CHODL: variants seen among roughly 807,000 people sequenced by gnomAD.
CHODL encodes the protein chondrolectin.
A neutral mutation model predicts 34.5 loss-of-function variants in CHODL; 29 were observed. That is an observed-to-expected ratio of 0.84 (90% CI 0.63 to 1.15). The LOEUF (loss-of-function observed/expected upper bound fraction) is 1.15. Among genes scored for constraint, CHODL ranks in the 50% most tolerant of loss-of-function variants. The pLI, the probability that CHODL is intolerant of heterozygous loss-of-function variation, is 0.00. For synonymous variants in CHODL, 125 were observed against 116.1 expected (o/e 1.08, Z -0.49); for missense variants, 332 against 332.5 (o/e 1.00, Z 0.01).
At chr21:18,162,755 A>T (rs1193348418) in intron 2 of CHODL, among the ~76,000 whole-genome samples, 2 of 152,120 alleles carry the variant, frequency 1.3e-5, no homozygotes, top group East Asian at 3.9e-4. Context: ...ATTTGCTATT[A>T]CATTAATGCA....
intron 2 of CHODL, among the ~76,000 whole-genome samples, chr21:18,141,151 A>G (rs922414970): frequency 4.6e-5 from 7 of 152,090 alleles, no homozygotes; most frequent in African/African-American, 1.7e-4. Context: ...AGTAATGGAG[A>G]TAAACCCAGA....
chr21:17,978,228 C>T lies in CHODL; in HGVS notation c.-144-49644C>T, dbSNP rs148498632. On this transcript the variant is annotated intron_variant, in intron 1 of 6. Coordinates refer to the CHODL transcript ENST00000400127. ...TACGAGGTCAGGAGTTTGAGACCAGCCTGGCCAGCATGGTGAAACCCTGTC... is the reference window on the plus strand; with the variant it reads ...TACGAGGTCAGGAGTTTGAGACCAGTCTGGCCAGCATGGTGAAACCCTGTC... 9.8e-3 allele frequency among the ~76,000 whole-genome samples: 1,487 copies of T among 151,590 alleles called. 23 individuals are homozygous for T. Among genetic ancestry groups the T allele is most frequent in the African/African-American group, 0.028 (1,168 of 41,308 alleles).
chr21:18,015,456 C>A (rs1351264414), intron 1 of CHODL, among the ~76,000 whole-genome samples: 1 of 152,076 alleles, frequency 6.6e-6, no homozygotes, highest in African/African-American at 2.4e-5. Context: ...CATAAATTAG[C>A]CAGTCTCAGG....
intron 2 of CHODL, among the ~76,000 whole-genome samples, chr21:18,036,995 G>T (rs1044694154): frequency 6.6e-6 from 1 of 151,872 alleles, no homozygotes; most frequent in Non-Finnish European, 1.5e-5. Flanking sequence ...AAACAATTTT[G>T]AGGAGACTGA....
At chr21:17,972,369 A>C (rs2063622312) in intron 1 of CHODL, among the ~76,000 whole-genome samples, 1 of 152,202 alleles carries the variant, frequency 6.6e-6, no homozygotes, top group African/African-American at 2.4e-5. Context: ...TTTGCAGATG[A>C]CATGATTGTA....
chr21:18,117,889 C>A lies in CHODL; in HGVS notation c.-45+89918C>A, dbSNP rs78807840. ...ATCCTTAAAAAGTTAAAGAAAAATT[C>A]TCATTCTATTTCCACATTTGGCTTG... On this transcript the variant is annotated intron_variant, in intron 2 of 6. Transcript: ENST00000400127. Among the ~76,000 whole-genome samples, 430 of 152,232 alleles carry A rather than the reference C, an allele frequency of 2.8e-3. 18 individuals are homozygous for A. The East Asian group carries it at 0.066, about 23-fold the overall frequency.
intron 1 of CHODL, among the ~76,000 whole-genome samples, chr21:17,977,612 G>C (rs1377133601): frequency 2.1e-5 from 3 of 144,424 alleles, no homozygotes; most frequent in African/African-American, 7.7e-5. Flanking sequence ...CACCTGCCTC[G>C]GCCTCCCAAA....
At chr21:17,962,191 C>G (rs1206900516) in intron 1 of CHODL, among the ~76,000 whole-genome samples, 1 of 152,178 alleles carries the variant, frequency 6.6e-6, no homozygotes, top group Non-Finnish European at 1.5e-5. Flanking sequence ...CATATGGAAT[C>G]AAGACCATTT....
chr21:17,945,720 AAAGATACC>A (rs2063401945), intron 1 of CHODL, among the ~76,000 whole-genome samples: 2 of 152,366 alleles, frequency 1.3e-5, no homozygotes, highest in Admixed American at 6.5e-5. Flanking sequence ...CTAATCTAGG[AAAGATACC>A]AACACCCAGG....
intron 2 of CHODL, among the ~76,000 whole-genome samples, chr21:18,136,454 C>T (rs2072729461): frequency 6.6e-6 from 1 of 152,068 alleles, no homozygotes; most frequent in Non-Finnish European, 1.5e-5. Context: ...CCATGTACCA[C>T]ACAGCCCAGG....
At chr21:18,044,931 G>A (rs2064423466) in intron 2 of CHODL, among the ~76,000 whole-genome samples, 1 of 151,944 alleles carries the variant, frequency 6.6e-6, no homozygotes, top group Non-Finnish European at 1.5e-5. Flanking sequence ...ACTCAGCAGT[G>A]AGTAAGATAG....
At chr21:18,086,502 A>G (rs552310063) in intron 2 of CHODL, among the ~76,000 whole-genome samples, 2 of 152,246 alleles carry the variant, frequency 1.3e-5, no homozygotes, top group East Asian at 3.9e-4. Context: ...TGTAGGGCAG[A>G]ATTTTTTCCT....
At chr21:18,176,649 C>A (rs1030260343) in intron 2 of CHODL, among the ~76,000 whole-genome samples, 6 of 151,898 alleles carry the variant, frequency 4.0e-5, no homozygotes, top group Non-Finnish European at 4.4e-5. Flanking sequence ...GTATTTTTTC[C>A]AAAGATTAAA....
At chr21:18,017,238 C>T (rs1321286844) in intron 1 of CHODL, among the ~76,000 whole-genome samples, 1 of 152,186 alleles carries the variant, frequency 6.6e-6, no homozygotes, top group Non-Finnish European at 1.5e-5. Context: ...TGTGTCCCTA[C>T]TCAAATCTCA....
intron 2 of CHODL, among the ~76,000 whole-genome samples, chr21:18,150,670 G>A (rs1335236778): frequency 1.3e-5 from 2 of 151,984 alleles, no homozygotes; most frequent in African/African-American, 2.4e-5. Context: ...CCTATGATAC[G>A]CATACACTGT....
chr21:18,054,263 G>A (rs976288628), intron 2 of CHODL, among the ~76,000 whole-genome samples: 1 of 151,944 alleles, frequency 6.6e-6, no homozygotes, highest in African/African-American at 2.4e-5. Flanking sequence ...ATGTGTGATA[G>A]AGAACCTGTT....
At chr21:17,942,266 T>G (rs913653329) in intron 1 of CHODL, among the ~76,000 whole-genome samples, 6 of 152,178 alleles carry the variant, frequency 3.9e-5, no homozygotes, top group Non-Finnish European at 5.9e-5. Context: ...CATCTTGAAT[T>G]GTAACTCCCA....
chr21:17,961,083 T>C (rs2063528845), intron 1 of CHODL, among the ~76,000 whole-genome samples: 1 of 152,196 alleles, frequency 6.6e-6, no homozygotes, highest in Admixed American at 6.5e-5. Context: ...GAGTGCCTAA[T>C]AGTATCTGCT....
At chr21:18,011,103 C>CA (rs5842669) in intron 1 of CHODL, among the ~76,000 whole-genome samples, 5,235 of 152,140 alleles carry the variant, frequency 0.034, 247 homozygotes, top group African/African-American at 0.11. Context: ...TACCATTTTC[C>CA]TATTTACTCT....
Sources: allele counts gnomAD v4.1 joint callset (sites outside exome capture counted in the v4.1 genomes callset), GRCh38; gene constraint gnomAD v4.1.1; transcripts MANE v1.5; gene names NCBI Gene and HGNC (gene_info 2026-07-23, HGNC 2026-07-21).